Variants in ZEB1 observed in about 807,000 individuals in gnomAD.
The protein encoded by ZEB1 is zinc finger E-box binding homeobox 1.
A neutral mutation model predicts 84.9 loss-of-function variants in ZEB1; 21 were observed. The ratio of observed to expected loss-of-function variants is 0.25; its 90% CI spans 0.18 to 0.36. ZEB1 has a LOEUF of 0.36. Ranked by LOEUF, ZEB1 falls within the 10% of genes least tolerant of loss-of-function variation. ZEB1 has a pLI of 1.00. For missense variants in ZEB1, 1,104 were observed against 1,330.2 expected (o/e 0.83, Z 2.65); for synonymous variants, 420 against 471.1 (o/e 0.89, Z 1.41).
chr10:31,507,520 A>G (rs532502899), intron 4 of ZEB1, among the ~76,000 whole-genome samples: 2 of 151,934 alleles, frequency 1.3e-5, no homozygotes, highest in Middle Eastern at 3.4e-3. Flanking sequence ...GGCTTTGTTC[A>G]TTGTTCTTTT....
chr10:31,401,894 G>T (rs1205169370), intron 1 of ZEB1, among the ~76,000 whole-genome samples: 2 of 151,920 alleles, frequency 1.3e-5, no homozygotes, highest in African/African-American at 4.8e-5. Flanking sequence ...ATAAAGCTTG[G>T]TTAATTGCAC....
chr10:31,396,350 T>C (rs2050722442), intron 1 of ZEB1, among the ~76,000 whole-genome samples: 1 of 152,190 alleles, frequency 6.6e-6, no homozygotes, highest in Non-Finnish European at 1.5e-5. Context: ...ACACAAATTA[T>C]TATATGACTC....
Position 31,330,557 on chromosome 10 carries a change from G to A in ZEB1, c.58+11265G>A, listed in dbSNP as rs537059064. Among the ~76,000 whole-genome samples the A allele has an allele frequency of 3.9e-5, 6 of 152,204 alleles. No individual in the cohort carries two copies. In the East Asian group the frequency reaches 9.7e-4, roughly 24 times the overall value. On this transcript the variant is annotated intron_variant, in intron 1 of 8. Transcript: ENST00000424869. The stretch of plus-strand genomic sequence containing the variant: ...CTATACCAATTCATTTTCATGTTCC[G>A]TAGCTTTTATCTTTAGATGGGGAGT...
chr10:31,354,139 AGTCT>A (rs767278418), intron 1 of ZEB1, among the ~76,000 whole-genome samples: 4 of 152,196 alleles, frequency 2.6e-5, no homozygotes, highest in African/African-American at 7.2e-5. Flanking sequence ...AGTTTTGTCA[AGTCT>A]GTCTGTTCAG....
rs548615284 is a variant in ZEB1, at chr10:31,331,081, C to CTTTTTTTTTTTTTTTTTTTTTTTT, written c.58+11792_58+11815dup. 1.7e-4 allele frequency among the ~76,000 whole-genome samples: 13 copies of CTTTTTTTTTTTTTTTTTTTTTTTT among 77,874 alleles called. 2 individuals carry two copies. The highest frequency in any genetic ancestry group is 7.4e-4 in the African/African-American group (13 of 17,518). The allele number at this position is 77,874 out of a possible 152,430, so 51.1% of individuals were successfully genotyped here. A position where few individuals can be genotyped will look rare whatever the true frequency, so the allele number is the denominator to read the frequency against. ...ATTTTCTTTTCTTTTTTCTTTCTTT[C>CTTTTTTTTTTTTTTTTTTTTTTTT]TTTTTTTTTTTTTTTTTTTTTTTTT... On this transcript the variant is annotated intron_variant, in intron 1 of 8. Transcript: ENST00000424869.
intron 1 of ZEB1, among the ~76,000 whole-genome samples, chr10:31,407,948 C>A (rs1334728881): frequency 1.4e-5 from 2 of 147,676 alleles, no homozygotes; most frequent in African/African-American, 2.5e-5. Flanking sequence ...AAGAGGAAGT[C>A]AAATTGTCCC....
At chr10:31,417,174 ACTC>A (rs2055357793) in intron 1 of ZEB1, among the ~76,000 whole-genome samples, 1 of 152,012 alleles carries the variant, frequency 6.6e-6, no homozygotes, top group Non-Finnish European at 1.5e-5. Flanking sequence ...TCTAAACTAA[ACTC>A]AGCCTAAAAA....
chr10:31,371,456 T>C (rs1000493201), intron 1 of ZEB1, among the ~76,000 whole-genome samples: 2 of 152,226 alleles, frequency 1.3e-5, no homozygotes, highest in African/African-American at 4.8e-5. Flanking sequence ...AATCACAGTT[T>C]GCTTTGTGGG....
chr10:31,373,134 A>T, intron 1 of ZEB1: 2 of 985,460 alleles, frequency 2.0e-6, no homozygotes, highest in Non-Finnish European at 2.4e-6. Flanking sequence ...AAGCACTATC[A>T]AGAAAGACTA....
At chr10:31,490,108 AT>A (rs888807660) in intron 2 of ZEB1, among the ~76,000 whole-genome samples, 6 of 150,984 alleles carry the variant, frequency 4.0e-5, no homozygotes, top group African/African-American at 1.5e-4. Flanking sequence ...TCTTTTTAGT[AT>A]TTTTTTAAAC....
At chr10:31,397,396 A>G (rs904925598) in intron 1 of ZEB1, among the ~76,000 whole-genome samples, 5 of 151,990 alleles carry the variant, frequency 3.3e-5, no homozygotes, top group African/African-American at 1.2e-4. Context: ...TATTTTATCA[A>G]TTCCGTGGCT....
chr10:31,352,211 G>A (rs912275212), intron 1 of ZEB1, among the ~76,000 whole-genome samples: 12 of 152,046 alleles, frequency 7.9e-5, no homozygotes, highest in Admixed American at 5.9e-4. Context: ...TTTATCCAAA[G>A]TCATTGTGAT....
intron 1 of ZEB1, among the ~76,000 whole-genome samples, chr10:31,396,399 G>A (rs2050733008): frequency 1.3e-5 from 2 of 152,098 alleles, no homozygotes; most frequent in South Asian, 4.1e-4. Context: ...TGAATCCCAG[G>A]AAAATAAACT....
At chr10:31,510,540 C>A in intron 4 of ZEB1, 133 bp from the exon 5 acceptor site, 1 of 716,810 alleles carries the variant, frequency 1.4e-6, no homozygotes, top group Non-Finnish European at 2.4e-6. Context: ...AGATGAGTAT[C>A]ATTGCATTGT....
chr10:31,508,979 G>A (rs2139449255), intron 4 of ZEB1, among the ~76,000 whole-genome samples: 1 of 152,312 alleles, frequency 6.6e-6, no homozygotes, highest in Admixed American at 6.5e-5. Flanking sequence ...GTCTGTTGGG[G>A]AGTCTGTCCT....
chr10:31,416,132 T>C (rs1488025298), intron 1 of ZEB1, among the ~76,000 whole-genome samples: 4 of 152,078 alleles, frequency 2.6e-5, no homozygotes, highest in African/African-American at 4.8e-5. Context: ...TTTTCAGATT[T>C]CAAATATGAA....
chr10:31,477,016 A>G (rs1372860941), intron 2 of ZEB1, among the ~76,000 whole-genome samples: 1 of 151,984 alleles, frequency 6.6e-6, no homozygotes, highest in African/African-American at 2.4e-5. Flanking sequence ...AAGGATGCCT[A>G]CTCACACCAC....
intron 1 of ZEB1, among the ~76,000 whole-genome samples, chr10:31,341,877 G>T (rs1307462849): frequency 1.3e-5 from 2 of 152,148 alleles, no homozygotes; most frequent in Admixed American, 1.3e-4. Flanking sequence ...GATTTCCTTA[G>T]AAGCCTTAAA....
intron 1 of ZEB1, chr10:31,321,683 C>T (rs762069104): frequency 1.7e-4 from 189 of 1,093,596 alleles, no homozygotes; most frequent in Admixed American, 1.8e-5. Context: ...ACATGTTTAC[C>T]TGAACAGGAA....
Sources: gnomAD v4.1 joint callset for allele counts (sites outside exome capture counted in the v4.1 genomes callset) on GRCh38, gnomAD v4.1.1 for gene constraint, MANE v1.5 for transcripts, NCBI Gene and HGNC (gene_info 2026-07-23, HGNC 2026-07-21) for gene names.